INTS15: variants seen among roughly 807,000 people sequenced by gnomAD.
INTS15 encodes the protein uncharacterized protein C7orf26.
the INTS15 span, among the ~76,000 whole-genome samples, chr7:6,590,928 T>C: frequency 6.6e-6 from 1 of 151,566 alleles, no homozygotes; most frequent in Non-Finnish European, 1.5e-5. Context: ...AACCTTGAAC[T>C]CCTGGGCTCA....
chr7:6,597,849 T>C, the INTS15 span, among the ~76,000 whole-genome samples: 1 of 152,202 alleles, frequency 6.6e-6, no homozygotes, highest in Non-Finnish European at 1.5e-5. Flanking sequence ...TGTTGGGCAC[T>C]TCTGGTAACA....
At chr7:6,608,432 T>C in the INTS15 span, 1 of 1,335,436 alleles carries the variant, frequency 7.5e-7, no homozygotes, top group African/African-American at 1.5e-5. Flanking sequence ...CTCTGTTCTC[T>C]GCGCATTTCA....
the INTS15 span, among the ~76,000 whole-genome samples, chr7:6,592,688 A>G: frequency 6.7e-6 from 1 of 149,900 alleles, no homozygotes; most frequent in Non-Finnish European, 1.5e-5. Flanking sequence ...AGCTCACTAC[A>G]GCCTTTGCCT....
chr7:6,603,886 G>A, the INTS15 span, among the ~76,000 whole-genome samples: 1 of 151,972 alleles, frequency 6.6e-6, no homozygotes, highest in Non-Finnish European at 1.5e-5. Flanking sequence ...TGTAATCCCA[G>A]CTATTCATTC....
the INTS15 span, chr7:6,607,791 CCTGG>C: frequency 6.7e-7 from 1 of 1,484,852 alleles, no homozygotes; most frequent in Non-Finnish European, 8.9e-7. The surrounding 1 kb of genome is among the most constrained non-coding windows in gnomAD (Gnocchi z 6.0). Flanking sequence ...CCTGTGGGGT[CCTGG>C]CTCTGCCACT....
chr7:6,590,179 G>A, the INTS15 span: 1 of 1,072,268 alleles, frequency 9.3e-7, no homozygotes, highest in Non-Finnish European at 1.2e-6. Flanking sequence ...GGGTGCCGCA[G>A]CCCAGGCCCG....
chr7:6,600,157 G>C, the INTS15 span: 2 of 1,614,234 alleles, frequency 1.2e-6, no homozygotes, highest in Non-Finnish European at 1.7e-6. Flanking sequence ...CGCTGCAGCT[G>C]CACCTGACCG....
the INTS15 span, among the ~76,000 whole-genome samples, chr7:6,592,958 C>T: frequency 1.3e-5 from 2 of 152,138 alleles, no homozygotes; most frequent in South Asian, 4.1e-4. Context: ...TGTAAACACA[C>T]ATTTTCATCA....
chr7:6,608,597 C>G, the INTS15 span: 1 of 942,640 alleles, frequency 1.1e-6, no homozygotes, highest in Non-Finnish European at 1.3e-6. Flanking sequence ...GTAGTGACCA[C>G]AAGCTTATGT....
At chr7:6,592,919 G>A in the INTS15 span, among the ~76,000 whole-genome samples, 17 of 152,080 alleles carry the variant, frequency 1.1e-4, no homozygotes, top group African/African-American at 3.9e-4. Flanking sequence ...TTAAGAATAA[G>A]ATTTTAAGAG....
chr7:6,590,148 G>A, the INTS15 span: 3 of 691,388 alleles, frequency 4.3e-6, no homozygotes, highest in Non-Finnish European at 6.2e-6. Context: ...GGAGCAGGCG[G>A]CGGCAGGCGG....
the INTS15 span, among the ~76,000 whole-genome samples, chr7:6,601,088 C>A: frequency 0.33 from 50,692 of 151,688 alleles, 9,861 homozygotes; most frequent in Non-Finnish European, 0.46. Flanking sequence ...CTCCCTCAGC[C>A]ACAGAGTAGC....
the INTS15 span, among the ~76,000 whole-genome samples, chr7:6,592,083 A>C: frequency 6.6e-6 from 1 of 152,068 alleles, no homozygotes; most frequent in African/African-American, 2.4e-5. Flanking sequence ...AGGCAGGAGA[A>C]TCACATGAAC....
At chr7:6,591,855 C>T in the INTS15 span, 1 of 1,613,950 alleles carries the variant, frequency 6.2e-7, no homozygotes, top group South Asian at 1.1e-5. Flanking sequence ...AGTGTGCTGC[C>T]TCCTGGCTTC....
At chr7:6,607,353 G>T in the INTS15 span, among the ~76,000 whole-genome samples, 1 of 151,434 alleles carries the variant, frequency 6.6e-6, no homozygotes, top group African/African-American at 2.4e-5. This position sits in a 1 kb window ranked among gnomAD's most constrained non-coding sequence, Gnocchi z 6.0. Context: ...GACCGTGCTT[G>T]CAGCTGTTCT....
chr7:6,598,956 T>C, the INTS15 span, among the ~76,000 whole-genome samples: 1 of 151,820 alleles, frequency 6.6e-6, no homozygotes, highest in Admixed American at 6.6e-5. Flanking sequence ...CCGGCTAACT[T>C]TTAAGAATTT....
chr7:6,592,179 AAG>A, the INTS15 span, among the ~76,000 whole-genome samples: 4 of 151,570 alleles, frequency 2.6e-5, no homozygotes, highest in Non-Finnish European at 5.9e-5. Context: ...TCAAAAAAAA[AAG>A]AGTCTCCCCT....
At chr7:6,604,033 A>G in the INTS15 span, among the ~76,000 whole-genome samples, 19,851 of 152,188 alleles carry the variant, frequency 0.13, 1,694 homozygotes, top group Middle Eastern at 0.21. Flanking sequence ...CACAGAATGC[A>G]CTTAAACTAG....
At chr7:6,601,680 A>G in the INTS15 span, among the ~76,000 whole-genome samples, 1 of 140,962 alleles carries the variant, frequency 7.1e-6, no homozygotes, top group East Asian at 2.2e-4. Flanking sequence ...TTTTCGAGAC[A>G]GGGTCTCACT....
Sources: allele counts gnomAD v4.1 joint callset (sites outside exome capture counted in the v4.1 genomes callset), GRCh38; gene constraint gnomAD v4.1.1; non-coding constraint Gnocchi (gnomAD v3.1); transcripts MANE v1.5; gene names NCBI Gene and HGNC (gene_info 2026-07-23, HGNC 2026-07-21).